The following PRSS23 variants were observed in gnomAD, a reference collection of about 807,000 sequenced individuals.
The protein encoded by PRSS23 is serine protease 23, also known as protease, serine 23.
A neutral mutation model predicts 34.7 loss-of-function variants in PRSS23; 25 were observed. That is an observed-to-expected ratio of 0.72 (90% CI 0.53 to 1.01). PRSS23 has a LOEUF of 1.01. Among genes scored for constraint, PRSS23 ranks in the 50% least tolerant of loss-of-function variants. PRSS23 has a pLI of 0.00. For synonymous variants in PRSS23, 176 were observed against 186.6 expected (o/e 0.94, Z 0.46); for missense variants, 445 against 475.6 (o/e 0.94, Z 0.60).
At chr11:86,942,210 C>G (rs1016979096) in intron 2 of PRSS23, among the ~76,000 whole-genome samples, 1 of 152,150 alleles carries the variant, frequency 6.6e-6, no homozygotes, top group Non-Finnish European at 1.5e-5. Context: ...GCAGGAGGAT[C>G]GGGGATGTCT....
At chr11:86,819,347 CT>C (rs1948236765) in intron 1 of PRSS23, among the ~76,000 whole-genome samples, 1 of 152,128 alleles carries the variant, frequency 6.6e-6, no homozygotes. Flanking sequence ...TAATTCAAAA[CT>C]TTTTTCAATA....
Position 86,823,257 on chromosome 11 carries a change from G to T in PRSS23, c.-11-120G>T, listed in dbSNP as rs180752394. The T allele has an allele frequency of 4.6e-4, 286 of 622,292 alleles. No homozygotes were observed. In the African/African-American group the frequency reaches 4.9e-3, roughly 11 times the overall value. 38.5% of individuals were successfully genotyped at this position (622,292 alleles called of 1,614,324 possible). On this transcript the variant is annotated intron_variant, in intron 1 of 2. Transcript: ENST00000533902. ...CTGTAAAAGCATCATAAAAAAAAAT[G>T]TATGATTAATCTCATTTTACAGATG...
intron 2 of PRSS23, chr11:86,934,335 G>C (rs1367961799): frequency 6.6e-6 from 1 of 151,970 alleles, no homozygotes; most frequent in Non-Finnish European, 1.5e-5. Flanking sequence ...GTAAATATTA[G>C]GCCCACATCT....
At chr11:86,799,051 G>A (rs560311492), upstream of PRSS23, among the ~76,000 whole-genome samples, 4 of 152,142 alleles carry the variant, frequency 2.6e-5, no homozygotes, top group Non-Finnish European at 4.4e-5. Flanking sequence ...GCTAAGCTAA[G>A]AAAAATTTGC....
At chr11:86,889,971 A>G (rs1020895898) in intron 2 of PRSS23, among the ~76,000 whole-genome samples, 1 of 152,154 alleles carries the variant, frequency 6.6e-6, no homozygotes, top group African/African-American at 2.4e-5. Flanking sequence ...CTATTTTTTA[A>G]AAGTTCCCCA....
At chr11:86,911,199 T>C (rs1948974753) in intron 2 of PRSS23, 1 of 152,142 alleles carries the variant, frequency 6.6e-6, no homozygotes, top group African/African-American at 2.4e-5. Flanking sequence ...GATTGAATTA[T>C]AAATAAAAAA....
chr11:86,816,793 C>T (rs2135611071), intron 1 of PRSS23, among the ~76,000 whole-genome samples: 1 of 152,352 alleles, frequency 6.6e-6, no homozygotes, highest in African/African-American at 2.4e-5. Context: ...TTGAGTATAA[C>T]ATAATATCAG....
At chr11:86,946,301 C>T (rs2135032283) in intron 2 of PRSS23, 1 of 152,308 alleles carries the variant, frequency 6.6e-6, no homozygotes, top group South Asian at 2.1e-4. Flanking sequence ...TTTCAGAAGC[C>T]TTCTAGGATG....
At chr11:86,813,148 T>G (rs554363686), downstream of PRSS23, among the ~76,000 whole-genome samples, 1 of 152,294 alleles carries the variant, frequency 6.6e-6, no homozygotes, top group South Asian at 2.1e-4. Flanking sequence ...AGCCCTTAAC[T>G]ATGGTGATAT....
At chr11:86,946,859 T>C (rs1226356444) in intron 2 of PRSS23, 1 of 152,220 alleles carries the variant, frequency 6.6e-6, no homozygotes, top group Non-Finnish European at 1.5e-5. Context: ...ATAGCAACTC[T>C]CTCCAGTGTC....
At chr11:86,952,694 G>A (rs1949305082) in exon 3 of PRSS23, 3 of 501,282 alleles carry the variant, frequency 6.0e-6, no homozygotes, top group Non-Finnish European at 1.1e-5. Flanking sequence ...CTTTCCAGAA[G>A]AATGTACATA....
At chr11:86,944,329 A>C (rs144011379) in intron 2 of PRSS23, among the ~76,000 whole-genome samples, 1 of 151,944 alleles carries the variant, frequency 6.6e-6, no homozygotes, top group African/African-American at 2.4e-5. Context: ...CTCATTTTTA[A>C]CTTGATTTAA....
At chr11:86,949,962 A>G (rs1308333820) in intron 2 of PRSS23, 1 of 152,480 alleles carries the variant, frequency 6.6e-6, no homozygotes, top group African/African-American at 2.4e-5. Flanking sequence ...TCCTAAGTAG[A>G]CCAGATTCTG....
At chr11:86,951,391 A>G (rs763480908) in exon 3 of PRSS23, 2 of 1,614,108 alleles carry the variant, frequency 1.2e-6, no homozygotes, top group East Asian at 2.2e-5. Flanking sequence ...TTTCATAAAA[A>G]TAACAGGCAA....
intron 2 of PRSS23, among the ~76,000 whole-genome samples, chr11:86,853,961 G>A (rs1359335795): frequency 6.6e-6 from 1 of 152,010 alleles, no homozygotes. Flanking sequence ...CTTAAGATTA[G>A]CGATTTTGAA....
intron 1 of PRSS23, among the ~76,000 whole-genome samples, chr11:86,791,648 C>T (rs1396528131): frequency 6.6e-6 from 1 of 152,178 alleles, no homozygotes; most frequent in African/African-American, 2.4e-5. Context: ...AGTGCCAGAA[C>T]AATCTGCTGA....
intron 2 of PRSS23, among the ~76,000 whole-genome samples, chr11:86,930,283 T>C (rs1342863064): frequency 6.6e-6 from 1 of 152,002 alleles, no homozygotes; most frequent in Non-Finnish European, 1.5e-5. Flanking sequence ...TGAACCAACA[T>C]GAATGTATAA....
chr11:86,880,037 G>A (rs868347641), intron 2 of PRSS23, among the ~76,000 whole-genome samples: 6 of 152,164 alleles, frequency 3.9e-5, no homozygotes, highest in African/African-American at 1.4e-4. Context: ...TGAGAAATCG[G>A]ATGGTTGCCG....
intron 2 of PRSS23, among the ~76,000 whole-genome samples, chr11:86,928,472 G>A (rs1465706538): frequency 2.0e-5 from 3 of 147,548 alleles, no homozygotes; most frequent in South Asian, 4.2e-4. Flanking sequence ...TCAGGAGATC[G>A]AGATCATCCT....
Sources: allele counts gnomAD v4.1 joint callset (sites outside exome capture counted in the v4.1 genomes callset), GRCh38; gene constraint gnomAD v4.1.1; transcripts MANE v1.5; gene names NCBI Gene and HGNC (gene_info 2026-07-23, HGNC 2026-07-21).